Variants in GANC observed in about 807,000 individuals in gnomAD.
GANC encodes neutral alpha-glucosidase C.
In GANC, 117 loss-of-function variants were observed where a neutral mutation model predicts 124.2. The ratio of observed to expected loss-of-function variants is 0.94; its 90% CI spans 0.81 to 1.10. The LOEUF (loss-of-function observed/expected upper bound fraction) is 1.10, where lower values mean the gene tolerates loss of function less well. GANC is among the 50% of genes least tolerant of loss of function. GANC has a pLI of 0.00. For missense variants in GANC, 1,140 were observed against 1,095.0 expected (o/e 1.04, Z -0.58); for synonymous variants, 377 against 376.8 (o/e 1.00, Z -0.01).
chr15:42,330,770 CTTTTTTTTTTTT>C, intron 15 of GANC, 98 bp downstream of exon 15: 1 of 359,856 alleles, frequency 2.8e-6, no homozygotes, highest in Non-Finnish European at 4.6e-6. Flanking sequence ...CTTCCTTTTC[CTTTTTTTTTTTT>C]TTTTTTTTTT....
intron 10 of GANC, among the ~76,000 whole-genome samples, chr15:42,313,064 G>A (rs1440625297): frequency 6.6e-6 from 1 of 152,174 alleles, no homozygotes; most frequent in African/African-American, 2.4e-5. Context: ...GGGATTACAG[G>A]CACAAGCCAC....
intron 8 of GANC, among the ~76,000 whole-genome samples, chr15:42,308,928 C>T (rs2052024527): frequency 6.6e-6 from 1 of 152,180 alleles, no homozygotes; most frequent in East Asian, 1.9e-4. Context: ...TCGGGTTTCA[C>T]TTTTACCTCT....
At chr15:42,277,608 T>C (rs925056945) in intron 2 of GANC, among the ~76,000 whole-genome samples, 3 of 152,030 alleles carry the variant, frequency 2.0e-5, no homozygotes, top group Non-Finnish European at 4.4e-5. Flanking sequence ...TTTATTTTTA[T>C]GCATTTTTTT....
At chr15:42,274,664 CAT>C (rs996260535) in intron 1 of GANC, among the ~76,000 whole-genome samples, 154 bp downstream of exon 1, 5 of 152,186 alleles carry the variant, frequency 3.3e-5, no homozygotes, top group African/African-American at 9.7e-5. Context: ...AATAGCCTCT[CAT>C]AAAATACTTT....
At chr15:42,274,828 G>T (rs923031590) in intron 1 of GANC, among the ~76,000 whole-genome samples, 3 of 152,030 alleles carry the variant, frequency 2.0e-5, no homozygotes, top group Admixed American at 6.5e-5. Flanking sequence ...CCACTGGGAG[G>T]ATGGATTTGG....
In GANC at chr15:42,341,593, TCACTTTGTCACC is replaced by T. The variant is rs1342805829; in HGVS notation, c.2152+842_2152+853del. Among the ~76,000 whole-genome samples the T allele has an allele frequency of 1.5e-4, 23 of 151,600 alleles. No individual in the cohort carries two copies. In the East Asian group the frequency reaches 4.5e-3, roughly 29 times the overall value. ...TTTTTTTTTTTTTTTAAATGGAGCC[TCACTTTGTCACC>T]CAGGCTGGAGTGCAGTGGTGTAATC... On this transcript the variant is annotated intron_variant, in intron 18 of 23. Coordinates refer to ENST00000318010, the MANE Select transcript of GANC (RefSeq NM_198141.3).
In GANC at chr15:42,322,119, A is replaced by G. The variant is rs1315402585; in HGVS notation, c.1293+99A>G. ...TCAGTGGTGGAGAAACATCTGATAAAAAATGGCTGTGAAAATAGTAGATTC... is the reference window on the plus strand; with the variant it reads ...TCAGTGGTGGAGAAACATCTGATAAGAAATGGCTGTGAAAATAGTAGATTC... On this transcript the variant is annotated intron_variant, in intron 11 of 23. Transcript: ENST00000318010. 4 of 924,692 alleles carry G rather than the reference A, an allele frequency of 4.3e-6. No homozygotes were observed. In the African/African-American group the frequency reaches 6.7e-5, roughly 16 times the overall value. 57.3% of individuals were successfully genotyped at this position (924,692 alleles called of 1,614,324 possible).
In GANC at chr15:42,321,986, G is replaced by A; in HGVS notation, c.1259G>A (p.Arg420Lys). 6.2e-7 allele frequency: 1 copy of A among 1,613,670 alleles called. No homozygotes were observed. Among genetic ancestry groups the A allele is most frequent in the Non-Finnish European group, 8.5e-7 (1 of 1,179,830 alleles). Residue 420 changes from arginine to lysine, a missense_variant, in exon 11 of 24, where the codon AGG (arginine) becomes AAG (lysine). Physicochemically the swap from Arg to Lys is conservative, Grantham distance 26. Coordinates refer to ENST00000318010, the MANE Select transcript of GANC (RefSeq NM_198141.3). ...WDKNRFPNPK[R>K]MQELLRSKKR... Reference sequence around the variant, plus strand: ...AAAAACAGATTCCCAAACCCCAAGAGGATGCAAGAGCTGCTCAGGAGCAAA... The same window carrying A: ...AAAAACAGATTCCCAAACCCCAAGAAGATGCAAGAGCTGCTCAGGAGCAAA...
chr15:42,274,628 C>A, intron 1 of GANC, 118 bp downstream of exon 1: 1 of 1,022,546 alleles, frequency 9.8e-7, no homozygotes, highest in Non-Finnish European at 1.4e-6. Context: ...TCTTTTCTCT[C>A]AATTCGCGGG....
At chr15:42,330,829 C>T (rs960446191) in intron 15 of GANC, among the ~76,000 whole-genome samples, 157 bp downstream of exon 15, 1 of 138,470 alleles carries the variant, frequency 7.2e-6, no homozygotes, top group African/African-American at 2.7e-5. Context: ...GCTTTGTCAC[C>T]CAGGCTGGAG....
intron 20 of GANC, among the ~76,000 whole-genome samples, chr15:42,346,712 T>C (rs2052367830): frequency 6.6e-6 from 1 of 152,046 alleles, no homozygotes; most frequent in South Asian, 2.1e-4. Flanking sequence ...TTCTACAGGA[T>C]TAAGGCAAAA....
intron 3 of GANC, chr15:42,280,925 C>G (rs1249639868): frequency 1.4e-6 from 1 of 702,020 alleles, no homozygotes. Flanking sequence ...AGGTCAGGTG[C>G]CAGGACCAGA....
intron 22 of GANC, 129 bp downstream of exon 22, chr15:42,349,624 G>T: frequency 1.6e-6 from 1 of 637,926 alleles, no homozygotes; most frequent in Admixed American, 2.9e-5. Flanking sequence ...GGCCGTTTCC[G>T]GAATATTTTT....
rs1595757878 is a variant in GANC, at chr15:42,273,373, A to T, written c.-1109A>T. On this transcript the variant is annotated 5_prime_UTR_variant, in exon 1 of 24. Transcript: ENST00000318010. Reference sequence around the variant, plus strand: ...CAGAAGCAGAAGAATGACAGGCAACACCTGAAGCCACGCAGCCGCCGCCAT... The same window carrying T: ...CAGAAGCAGAAGAATGACAGGCAACTCCTGAAGCCACGCAGCCGCCGCCAT... The T allele has an allele frequency of 5.0e-6, 8 of 1,614,004 alleles. No individual in the cohort carries two copies. Among genetic ancestry groups the T allele is most frequent in the Non-Finnish European group, 6.8e-6 (8 of 1,180,016 alleles).
At chr15:42,330,451 T>G (rs112538083) in intron 14 of GANC, 125 bp from the exon 15 acceptor site, 5 of 632,496 alleles carry the variant, frequency 7.9e-6, no homozygotes, top group African/African-American at 3.9e-5. Context: ...TTTGATGGAT[T>G]TATTTTAATA....
chr15:42,322,239 A>G (rs1410496245), intron 11 of GANC, among the ~76,000 whole-genome samples: 1 of 152,194 alleles, frequency 6.6e-6, no homozygotes, highest in Admixed American at 6.5e-5. Flanking sequence ...CACCATAATG[A>G]AGAAGGGGTC....
At chr15:42,347,951 C>A in intron 20 of GANC, 152 bp from the exon 21 acceptor site, 1 of 520,498 alleles carries the variant, frequency 1.9e-6, no homozygotes, top group Non-Finnish European at 3.3e-6. Flanking sequence ...TGCCAGGACC[C>A]CCATATTTGC....
At chr15:42,292,681 A>T in intron 4 of GANC, 54 bp from the exon 5 acceptor site, 2 of 1,516,614 alleles carry the variant, frequency 1.3e-6, no homozygotes, top group Non-Finnish European at 1.8e-6. Context: ...CAAATCACAT[A>T]GGGCCATGTA....
intron 15 of GANC, among the ~76,000 whole-genome samples, chr15:42,332,686 T>G (rs1054897425): frequency 1.3e-5 from 2 of 151,908 alleles, no homozygotes; most frequent in Admixed American, 1.3e-4. Flanking sequence ...AAGAGGAAAT[T>G]AGAATACTTT....
Sources: gnomAD v4.1 joint callset for allele counts (sites outside exome capture counted in the v4.1 genomes callset) on GRCh38, gnomAD v4.1.1 for gene constraint, MANE v1.5 for transcripts, NCBI Gene and HGNC (gene_info 2026-07-23, HGNC 2026-07-21) for gene names.